ZNF385D: variants seen among roughly 807,000 people sequenced by gnomAD.
ZNF385D encodes zinc finger protein 659.
In ZNF385D, 15 loss-of-function variants were observed where a neutral mutation model predicts 35.8. The ratio of observed to expected loss-of-function variants is 0.42; its 90% CI spans 0.28 to 0.64. ZNF385D has a LOEUF of 0.64. ZNF385D is among the 30% of genes least tolerant of loss of function. The probability of loss-of-function intolerance (pLI) is 0.23; values close to 1 mark genes in which losing one functional copy is unlikely to be tolerated. For synonymous variants in ZNF385D, 212 were observed against 186.8 expected (o/e 1.13, Z -1.10); for missense variants, 474 against 494.6 (o/e 0.96, Z 0.39).
intron 2 of ZNF385D, among the ~76,000 whole-genome samples, chr3:22,326,009 C>T (rs1009988607): frequency 5.3e-5 from 8 of 152,094 alleles, no homozygotes; most frequent in Non-Finnish European, 1.2e-4. Flanking sequence ...CATAAGCAGT[C>T]CTGACACACT....
chr3:21,586,217 AAAAG>A (rs1404329311), intron 2 of ZNF385D, among the ~76,000 whole-genome samples: 18 of 152,278 alleles, frequency 1.2e-4, no homozygotes, highest in Non-Finnish European at 1.3e-4. Context: ...AAGGGGAAAA[AAAAG>A]AAAGTATGTT....
rs529636012 is a variant in ZNF385D at position 22,241,761 on chromosome 3, CT to C, written c.107-72727del. Reference sequence around the variant, plus strand: ...GAGGTGAGAAATACCTAAAAAAAACCTTTTTTTTCTTTAGAAAATAATAGTG... The same window carrying C: ...GAGGTGAGAAATACCTAAAAAAAACCTTTTTTTCTTTAGAAAATAATAGTG... On this transcript the variant is annotated intron_variant, in intron 2 of 5. Coordinates refer to the ZNF385D transcript ENST00000494108. Among the ~76,000 whole-genome samples the C allele has an allele frequency of 6.2e-4, 94 of 150,448 alleles. 8 individuals carry two copies. Among genetic ancestry groups the C allele is most frequent in the African/African-American group, 2.1e-3 (86 of 40,674 alleles).
chr3:22,134,493 A>T (rs1419397905), intron 3 of ZNF385D: 1 of 152,150 alleles, frequency 6.6e-6, no homozygotes, highest in Non-Finnish European at 1.5e-5. Context: ...TCTAAACAAC[A>T]TCGTCAACCA....
At chr3:21,561,009 G>A (rs1005645323) in intron 3 of ZNF385D, among the ~76,000 whole-genome samples, 3 of 152,172 alleles carry the variant, frequency 2.0e-5, no homozygotes, top group Non-Finnish European at 4.4e-5. Flanking sequence ...CCAAGCTGGA[G>A]CATCCCAGGT....
intron 3 of ZNF385D, among the ~76,000 whole-genome samples, chr3:21,550,967 T>C (rs2062548345): frequency 6.6e-6 from 1 of 152,204 alleles, no homozygotes; most frequent in Non-Finnish European, 1.5e-5. Flanking sequence ...ATTAAGGACA[T>C]GTTGTTACTT....
intron 3 of ZNF385D, among the ~76,000 whole-genome samples, chr3:21,891,622 G>A (rs185022023): frequency 1.6e-3 from 240 of 152,238 alleles, no homozygotes; most frequent in African/African-American, 5.6e-3. Context: ...ATTCATTGAT[G>A]GAATGAATGC....
Position 21,984,359 on chromosome 3 carries a change from GATCCAGTTTCAGCTTTCTACATATGGCT to G in ZNF385D, c.325+184430_325+184457del, listed in dbSNP as rs1452741916. 2.5e-3 allele frequency among the ~76,000 whole-genome samples: 319 copies of G among 125,186 alleles called. 1 individual carries two copies. The highest frequency in any genetic ancestry group is 3.5e-3 in the Non-Finnish European group (220 of 62,512). The allele number at this position is 125,186 out of a possible 152,430, so 82.1% of individuals were successfully genotyped here. On this transcript the variant is annotated intron_variant, in intron 3 of 5. Transcript: ENST00000494108. ...ATTTTTGTATAAGGTGTAAGGAAGG[GATCCAGTTTCAGCTTTCTACATATGGCT>G]AGCCAGTTTTCCCAGCACCATTTAT...
At chr3:21,836,230 C>G (rs1252826554) in intron 3 of ZNF385D, among the ~76,000 whole-genome samples, 1 of 152,032 alleles carries the variant, frequency 6.6e-6, no homozygotes, top group Non-Finnish European at 1.5e-5. Flanking sequence ...AAAGAGATAT[C>G]AAGAGAAAAA....
intron 4 of ZNF385D, among the ~76,000 whole-genome samples, chr3:21,509,708 C>A (rs542676825): frequency 6.6e-6 from 1 of 151,894 alleles, no homozygotes; most frequent in South Asian, 2.1e-4. Flanking sequence ...CAGTTGCCAG[C>A]ATACAAAGAT....
intron 2 of ZNF385D, among the ~76,000 whole-genome samples, chr3:21,602,650 A>G (rs1326046867): frequency 6.8e-6 from 1 of 147,560 alleles, no homozygotes; most frequent in African/African-American, 2.5e-5. Context: ...CTCCTGCCTC[A>G]GCCTCCCGAG....
At chr3:22,152,295 C>A (rs1270516406) in intron 3 of ZNF385D, among the ~76,000 whole-genome samples, 1 of 152,132 alleles carries the variant, frequency 6.6e-6, no homozygotes, top group African/African-American at 2.4e-5. Flanking sequence ...GCAACAACAA[C>A]TGCATGGGAG....
chr3:22,083,095 A>T (rs1324493798), intron 3 of ZNF385D, among the ~76,000 whole-genome samples: 1 of 152,168 alleles, frequency 6.6e-6, no homozygotes, highest in African/African-American at 2.4e-5. Flanking sequence ...CAAAGACCAA[A>T]GGTAGATAAA....
chr3:21,945,305 T>C (rs1026299182), intron 3 of ZNF385D, among the ~76,000 whole-genome samples: 3 of 152,122 alleles, frequency 2.0e-5, no homozygotes, highest in African/African-American at 7.2e-5. Context: ...ATAGAGTTTG[T>C]GAATATTGTC....
intron 3 of ZNF385D, among the ~76,000 whole-genome samples, chr3:21,886,698 G>C (rs1185444177): frequency 6.6e-6 from 1 of 152,134 alleles, no homozygotes; most frequent in Non-Finnish European, 1.5e-5. Context: ...ATATTTATGT[G>C]ATAGCATCTA....
intron 2 of ZNF385D, among the ~76,000 whole-genome samples, chr3:22,268,843 C>G (rs1182214368): frequency 6.6e-6 from 1 of 151,904 alleles, no homozygotes; most frequent in Non-Finnish European, 1.5e-5. Context: ...CATGTAGTTA[C>G]TCTACCCAAT....
chr3:22,075,445 T>C (rs528875396), intron 3 of ZNF385D, among the ~76,000 whole-genome samples: 4 of 152,000 alleles, frequency 2.6e-5, no homozygotes, highest in Admixed American at 6.6e-5. Flanking sequence ...GAACTTCATA[T>C]TGCCAGAGCC....
intron 3 of ZNF385D, among the ~76,000 whole-genome samples, chr3:21,551,189 A>G (rs562715665): frequency 1.3e-4 from 20 of 152,310 alleles, no homozygotes; most frequent in African/African-American, 4.8e-4. Context: ...TCTCTAGGAC[A>G]GGCTGACTAA....
intron 2 of ZNF385D, among the ~76,000 whole-genome samples, chr3:22,295,157 T>C (rs903834424): frequency 6.6e-6 from 1 of 152,144 alleles, no homozygotes; most frequent in Non-Finnish European, 1.5e-5. Flanking sequence ...TAGATAACAA[T>C]AAATTCTTTC....
At chr3:21,974,749 A>C (rs1703485001) in intron 3 of ZNF385D, among the ~76,000 whole-genome samples, 1 of 152,106 alleles carries the variant, frequency 6.6e-6, no homozygotes, top group East Asian at 1.9e-4. Context: ...CCAATTTAAA[A>C]TGGCAAAAGA....
Sources: gnomAD v4.1 joint callset for allele counts (sites outside exome capture counted in the v4.1 genomes callset) on GRCh38, gnomAD v4.1.1 for gene constraint, MANE v1.5 for transcripts, NCBI Gene and HGNC (gene_info 2026-07-23, HGNC 2026-07-21) for gene names.